Variants in LOC128462377 observed in about 807,000 individuals in gnomAD.
the LOC128462377 span, among the ~76,000 whole-genome samples, chr16:89,404,786 A>G: frequency 6.6e-6 from 1 of 152,272 alleles, no homozygotes; most frequent in African/African-American, 2.4e-5. Context: ...TCGCAAGGTC[A>G]TTCTGAGGAT....
chr16:89,358,926 A>G, the LOC128462377 span, among the ~76,000 whole-genome samples: 1 of 152,142 alleles, frequency 6.6e-6, no homozygotes, highest in Non-Finnish European at 1.5e-5. Flanking sequence ...CCTGGGCTCA[A>G]GTGATCCTCC....
At chr16:89,387,697 A>G in the LOC128462377 span, among the ~76,000 whole-genome samples, 1 of 142,596 alleles carries the variant, frequency 7.0e-6, no homozygotes, top group South Asian at 2.3e-4. Context: ...AAAAAGAAAA[A>G]AAAAAAAAAA....
the LOC128462377 span, among the ~76,000 whole-genome samples, chr16:89,389,267 T>C: frequency 6.6e-6 from 1 of 151,976 alleles, no homozygotes; most frequent in Non-Finnish European, 1.5e-5. Flanking sequence ...TCAAGCAATC[T>C]TCCCACCTTG....
At chr16:89,380,422 A>G in the LOC128462377 span, among the ~76,000 whole-genome samples, 1 of 152,086 alleles carries the variant, frequency 6.6e-6, no homozygotes, top group East Asian at 1.9e-4. Context: ...CAATGATGCC[A>G]TTTTAACTCC....
the LOC128462377 span, among the ~76,000 whole-genome samples, chr16:89,410,971 C>A: frequency 6.6e-6 from 1 of 152,230 alleles, no homozygotes; most frequent in Non-Finnish European, 1.5e-5. Context: ...TTCAGGCTGC[C>A]CGGCCTCCAC....
At chr16:89,405,068 G>A in the LOC128462377 span, among the ~76,000 whole-genome samples, 9 of 151,994 alleles carry the variant, frequency 5.9e-5, no homozygotes, top group African/African-American at 1.4e-4. Flanking sequence ...CCGACGCCCC[G>A]TCACACGCTC....
chr16:89,324,708 C>CT, the LOC128462377 span: 1 of 336,574 alleles, frequency 3.0e-6, no homozygotes, highest in Non-Finnish European at 5.8e-6. Context: ...AGTGCTTCAG[C>CT]TTTTGGGTTC....
At chr16:89,333,658 C>T in the LOC128462377 span, among the ~76,000 whole-genome samples, 31 of 152,218 alleles carry the variant, frequency 2.0e-4, no homozygotes, top group African/African-American at 6.8e-4. Context: ...TCAGGCCTGG[C>T]AGCTCGTCTG....
At chr16:89,406,322 T>C in the LOC128462377 span, among the ~76,000 whole-genome samples, 2 of 152,070 alleles carry the variant, frequency 1.3e-5, no homozygotes, top group African/African-American at 4.8e-5. Flanking sequence ...AGACCCTCAC[T>C]GCCAGGTCAC....
At chr16:89,320,654 C>G in the LOC128462377 span, among the ~76,000 whole-genome samples, 1 of 152,190 alleles carries the variant, frequency 6.6e-6, no homozygotes, top group Non-Finnish European at 1.5e-5. Flanking sequence ...CTGGCACACT[C>G]CCTGAAGCAG....
the LOC128462377 span, chr16:89,323,713 C>T: frequency 1.0e-5 from 3 of 287,392 alleles, no homozygotes; most frequent in Non-Finnish European, 1.4e-5. Context: ...CACACCCCTG[C>T]ACGTTCTGAA....
the LOC128462377 span, among the ~76,000 whole-genome samples, chr16:89,345,383 G>A: frequency 6.6e-6 from 1 of 151,970 alleles, no homozygotes; most frequent in Non-Finnish European, 1.5e-5. Context: ...CTCTGCCCTC[G>A]TGGGTGGACG....
chr16:89,321,584 C>A, the LOC128462377 span, among the ~76,000 whole-genome samples: 1 of 152,010 alleles, frequency 6.6e-6, no homozygotes, highest in Non-Finnish European at 1.5e-5. Context: ...TCACGGGTCC[C>A]CTCGGGCCTT....
the LOC128462377 span, among the ~76,000 whole-genome samples, chr16:89,360,162 GT>G: frequency 1.3e-5 from 2 of 152,120 alleles, no homozygotes; most frequent in Non-Finnish European, 2.9e-5. Flanking sequence ...GTAGTATTTG[GT>G]TTTCTGTTCC....
At chr16:89,405,583 C>G in the LOC128462377 span, among the ~76,000 whole-genome samples, 4 of 151,808 alleles carry the variant, frequency 2.6e-5, no homozygotes, top group Admixed American at 2.0e-4. Flanking sequence ...ATCCTCCCGC[C>G]TCAGCCTCCC....
the LOC128462377 span, among the ~76,000 whole-genome samples, chr16:89,404,831 T>G: frequency 9.2e-5 from 14 of 152,252 alleles, no homozygotes; most frequent in African/African-American, 3.4e-4. Context: ...ACCTTGACGC[T>G]GAATGTACTA....
At chr16:89,366,027 A>C in the LOC128462377 span, among the ~76,000 whole-genome samples, 1 of 151,894 alleles carries the variant, frequency 6.6e-6, no homozygotes, top group Admixed American at 6.6e-5. Flanking sequence ...CATGTTCCAC[A>C]AAAGACATGA....
chr16:89,331,767 T>G, the LOC128462377 span, among the ~76,000 whole-genome samples: 2 of 152,180 alleles, frequency 1.3e-5, no homozygotes, highest in African/African-American at 2.4e-5. Flanking sequence ...GCTACAGGCA[T>G]GAACCACCAC....
At chr16:89,383,988 G>A in the LOC128462377 span, among the ~76,000 whole-genome samples, 2 of 152,362 alleles carry the variant, frequency 1.3e-5, no homozygotes, top group East Asian at 1.9e-4. Context: ...GGGAGGCTGA[G>A]GCAGGCAGGT....
Sources: gnomAD v4.1 joint callset for allele counts (sites outside exome capture counted in the v4.1 genomes callset) on GRCh38, gnomAD v4.1.1 for gene constraint, MANE v1.5 for transcripts.